The following TGS1 variants were observed in gnomAD, a reference collection of about 807,000 sequenced individuals.
The protein encoded by TGS1 is trimethylguanosine synthase.
TGS1 carries 69 observed loss-of-function variants against 92.2 expected under a neutral mutation model. The ratio of observed to expected loss-of-function variants is 0.75; its 90% CI spans 0.62 to 0.91. TGS1 has a LOEUF of 0.91. Among genes scored for constraint, TGS1 ranks in the 40% least tolerant of loss-of-function variants. The probability of loss-of-function intolerance (pLI) is 0.00; values close to 1 mark genes in which losing one functional copy is unlikely to be tolerated. For missense variants in TGS1, 1,062 were observed against 1,001.2 expected (o/e 1.06, Z -0.82); for synonymous variants, 345 against 338.1 (o/e 1.02, Z -0.22).
At position 55,798,069 on chromosome 8, in the gene TGS1, A is replaced by G. The variant is rs186962982; in HGVS notation, c.1543-845A>G. 3.1e-3 allele frequency among the ~76,000 whole-genome samples: 471 copies of G among 152,316 alleles called. 5 individuals carry two copies. Among genetic ancestry groups the G allele is most frequent in the African/African-American group, 0.01 (418 of 41,576 alleles). ...TAATGTGTTGGATATAATAGCCCCT[A>G]TGCATTCATCTATAGATGAGTGCAG... On this transcript the variant is annotated intron_variant, in intron 7 of 12. Transcript: ENST00000260129.
In TGS1 at chr8:55,773,504, A is replaced by G. The variant is rs1042877370; in HGVS notation, c.-115A>G. The G allele has an allele frequency of 1.5e-5, 11 of 716,520 alleles. No homozygotes were observed. The highest frequency in any genetic ancestry group is 8.1e-5 in the South Asian group (4 of 49,630). 44.4% of individuals were successfully genotyped at this position (716,520 alleles called of 1,614,324 possible). A position where few individuals can be genotyped will look rare whatever the true frequency, so the allele number is the denominator to read the frequency against. The stretch of plus-strand genomic sequence containing the variant: ...CGCGAGCGGCCGCGGGCCAGTTTCT[A>G]TCTCCTCATCCAGGGCTTGCGGGCG... On this transcript the variant is annotated 5_prime_UTR_variant, in exon 1 of 13. Transcript: ENST00000260129.
At chr8:55,775,253 AAAAGAAAAG>A (rs796525707) in intron 1 of TGS1, among the ~76,000 whole-genome samples, 463 of 44,222 alleles carry the variant, frequency 0.01, 5 homozygotes, top group African/African-American at 0.026. Context: ...AAAAAAAAAG[AAAAGAAAAG>A]AAAGAAAAGA....
At chr8:55,807,792 G>A (rs1301528165) in intron 10 of TGS1, among the ~76,000 whole-genome samples, 2 of 152,000 alleles carry the variant, frequency 1.3e-5, no homozygotes, top group African/African-American at 4.8e-5. Context: ...GCCTCTAAAA[G>A]TGCTGGAATT....
intron 12 of TGS1, among the ~76,000 whole-genome samples, chr8:55,814,067 C>T (rs1269164079): frequency 1.3e-5 from 2 of 152,140 alleles, no homozygotes; most frequent in Non-Finnish European, 1.5e-5. Flanking sequence ...CCCACCTCAG[C>T]CTGCTGAGTA....
chr8:55,811,685 A>G (rs1010007274), intron 11 of TGS1, among the ~76,000 whole-genome samples: 1 of 148,948 alleles, frequency 6.7e-6, no homozygotes, highest in Non-Finnish European at 1.5e-5. Flanking sequence ...CGCTTGGACC[A>G]GGGAGGCCGA....
chr8:55,783,608 A>G (rs1811629483), intron 2 of TGS1, among the ~76,000 whole-genome samples: 1 of 152,204 alleles, frequency 6.6e-6, no homozygotes, highest in East Asian at 1.9e-4. Context: ...TATACTGTAC[A>G]TTGAGCCTCA....
At chr8:55,809,129 G>T (rs184547920) in intron 10 of TGS1, among the ~76,000 whole-genome samples, 1 of 151,954 alleles carries the variant, frequency 6.6e-6, no homozygotes, top group Non-Finnish European at 1.5e-5. Context: ...ACATATATAC[G>T]CAACATACAT....
At chr8:55,777,544 T>A (rs1811435737) in intron 1 of TGS1, among the ~76,000 whole-genome samples, 1 of 151,910 alleles carries the variant, frequency 6.6e-6, no homozygotes, top group African/African-American at 2.4e-5. Flanking sequence ...ATTATCTTTT[T>A]TTTTTTCTCT....
At chr8:55,787,118 G>T in intron 4 of TGS1, 58 bp downstream of exon 4, 2 of 1,197,620 alleles carry the variant, frequency 1.7e-6, no homozygotes, top group Non-Finnish European at 2.4e-6. Context: ...AATTCATTTA[G>T]CAAAATAACT....
chr8:55,777,213 T>A (rs748737405), intron 1 of TGS1, among the ~76,000 whole-genome samples: 4 of 151,972 alleles, frequency 2.6e-5, no homozygotes, highest in Non-Finnish European at 4.4e-5. Context: ...CTCACCTTGT[T>A]GCCCACACTG....
intron 6 of TGS1, among the ~76,000 whole-genome samples, chr8:55,794,596 A>T (rs1811988586): frequency 6.6e-6 from 1 of 152,174 alleles, no homozygotes; most frequent in Non-Finnish European, 1.5e-5. Flanking sequence ...GGCAGAAAAT[A>T]AAAAAATAAA....
intron 4 of TGS1, among the ~76,000 whole-genome samples, chr8:55,789,633 A>G (rs963250626): frequency 1.3e-5 from 2 of 152,264 alleles, no homozygotes; most frequent in East Asian, 3.8e-4. Flanking sequence ...CTGAGCAAAG[A>G]ACGATTCTCG....
intron 3 of TGS1, 94 bp downstream of exon 3, chr8:55,785,985 G>C: frequency 1.0e-6 from 1 of 985,696 alleles, no homozygotes; most frequent in South Asian, 1.7e-5. Flanking sequence ...ATGCATTCAC[G>C]ATCAGCGCTC....
At chr8:55,788,873 T>A (rs1563454780) in intron 4 of TGS1, among the ~76,000 whole-genome samples, 1 of 152,222 alleles carries the variant, frequency 6.6e-6, no homozygotes, top group Non-Finnish European at 1.5e-5. Flanking sequence ...GGGCATTGTT[T>A]TGGCCTCTGA....
In TGS1 at chr8:55,778,229, C is replaced by T. The variant is rs1291791110; in HGVS notation, c.101+4510C>T. Among the ~76,000 whole-genome samples, 10 of 152,026 alleles carry T rather than the reference C, an allele frequency of 6.6e-5. No individual in the cohort carries two copies. In the East Asian group the frequency reaches 1.5e-3, roughly 23 times the overall value. On this transcript the variant is annotated intron_variant, in intron 1 of 12. Transcript: ENST00000260129. ...ATGATCGTACCACTGCACTCCAATCCGGGTGACAGAATGAGACCCTGTCTC... is the reference window on the plus strand; with the variant it reads ...ATGATCGTACCACTGCACTCCAATCTGGGTGACAGAATGAGACCCTGTCTC...
At chr8:55,809,299 A>G (rs1803276458) in intron 10 of TGS1, among the ~76,000 whole-genome samples, 1 of 152,230 alleles carries the variant, frequency 6.6e-6, no homozygotes, top group African/African-American at 2.4e-5. Context: ...TATGTGTTCC[A>G]GTAGTTTAGC....
At chr8:55,795,742 T>C (rs1812023605) in intron 6 of TGS1, among the ~76,000 whole-genome samples, 1 of 152,194 alleles carries the variant, frequency 6.6e-6, no homozygotes, top group Non-Finnish European at 1.5e-5. Context: ...TTCTCCTCTA[T>C]ATTAGGTATG....
At chr8:55,815,125 C>T (rs965581780) in intron 12 of TGS1, among the ~76,000 whole-genome samples, 6 of 152,162 alleles carry the variant, frequency 3.9e-5, no homozygotes, top group African/African-American at 1.4e-4. Flanking sequence ...GTTTATCATG[C>T]AATTTATGCT....
intron 10 of TGS1, among the ~76,000 whole-genome samples, chr8:55,808,324 A>G (rs1803238515): frequency 6.6e-6 from 1 of 152,104 alleles, no homozygotes. Context: ...GGCTAAAATC[A>G]ATATTTATTG....
Sources: allele counts gnomAD v4.1 joint callset (sites outside exome capture counted in the v4.1 genomes callset), GRCh38; gene constraint gnomAD v4.1.1; transcripts MANE v1.5; gene names NCBI Gene and HGNC (gene_info 2026-07-23, HGNC 2026-07-21).